The following ITGBL1 variants were observed in gnomAD, a reference collection of about 807,000 sequenced individuals.
ITGBL1 encodes integrin beta-like protein 1.
Under a neutral mutation model 68.5 loss-of-function variants are expected in ITGBL1, and 51 were observed. That is an observed-to-expected ratio of 0.74 (90% CI 0.59 to 0.94). The LOEUF is 0.94. Ranked by LOEUF, ITGBL1 falls within the 40% of genes least tolerant of loss-of-function variation. The pLI is 0.00. For missense variants in ITGBL1, 649 were observed against 647.4 expected (o/e 1.00, Z -0.03); for synonymous variants, 209 against 227.3 (o/e 0.92, Z 0.72).
chr13:101,678,992 C>T (rs1407799581), intron 7 of ITGBL1, among the ~76,000 whole-genome samples: 1 of 151,538 alleles, frequency 6.6e-6, no homozygotes, highest in East Asian at 2.0e-4. Context: ...CTGCAACCTC[C>T]GACTCCCTGG....
At chr13:101,457,918 G>C (rs2048267026) in intron 2 of ITGBL1, among the ~76,000 whole-genome samples, 1 of 152,210 alleles carries the variant, frequency 6.6e-6, no homozygotes, top group Non-Finnish European at 1.5e-5. Context: ...CCCATGACCA[G>C]CTACAATGAC....
At chr13:101,488,846 G>A (rs972520354) in intron 2 of ITGBL1, among the ~76,000 whole-genome samples, 1 of 152,102 alleles carries the variant, frequency 6.6e-6, no homozygotes, top group Non-Finnish European at 1.5e-5. Context: ...TCAAAAAAAA[G>A]GGAGTTATAT....
intron 7 of ITGBL1, among the ~76,000 whole-genome samples, chr13:101,647,305 A>G (rs1444923675): frequency 1.3e-5 from 2 of 152,196 alleles, no homozygotes; most frequent in Non-Finnish European, 2.9e-5. Context: ...CATTTTCAAA[A>G]CCATCTATGA....
intron 2 of ITGBL1, among the ~76,000 whole-genome samples, chr13:101,511,276 C>T (rs1485563506): frequency 1.3e-5 from 2 of 152,028 alleles, no homozygotes; most frequent in Non-Finnish European, 2.9e-5. Flanking sequence ...CCTATTTAGG[C>T]CTTATCAATG....
At position 101,638,707 on chromosome 13, in the gene ITGBL1, C is replaced by T. The variant is rs963349011; in HGVS notation, c.1015+40408C>T. On this transcript the variant is annotated intron_variant, in intron 7 of 10. Coordinates refer to ENST00000376180, the MANE Select transcript of ITGBL1 (RefSeq NM_004791.3). Reference sequence around the variant, plus strand: ...ATGAGAGCAATATGGGGGAAACCACCCCCATGATTCAATTATCTCCCACTG... The same window carrying T: ...ATGAGAGCAATATGGGGGAAACCACTCCCATGATTCAATTATCTCCCACTG... 4.6e-5 allele frequency among the ~76,000 whole-genome samples: 7 copies of T among 152,074 alleles called. No homozygotes were observed. The East Asian group carries it at 9.6e-4, about 21-fold the overall frequency.
chr13:101,512,398 A>G (rs946735191), intron 2 of ITGBL1, among the ~76,000 whole-genome samples: 5 of 152,246 alleles, frequency 3.3e-5, no homozygotes, highest in Non-Finnish European at 7.4e-5. Flanking sequence ...CATTTTCTGA[A>G]TGATGTTTCA....
At chr13:101,665,398 A>C (rs1212339265) in intron 7 of ITGBL1, among the ~76,000 whole-genome samples, 1 of 151,980 alleles carries the variant, frequency 6.6e-6, no homozygotes, top group Non-Finnish European at 1.5e-5. Flanking sequence ...AAATGACATA[A>C]TTTTAAAAAT....
At chr13:101,563,465 C>T (rs1384116859) in intron 2 of ITGBL1, among the ~76,000 whole-genome samples, 1 of 151,720 alleles carries the variant, frequency 6.6e-6, no homozygotes, top group African/African-American at 2.4e-5. Context: ...AAATAACATA[C>T]ATAATATCCA....
chr13:101,547,880 T>G (rs538193212), intron 2 of ITGBL1, among the ~76,000 whole-genome samples: 1 of 150,902 alleles, frequency 6.6e-6, no homozygotes, highest in Admixed American at 6.6e-5. Context: ...TTTCTTACAT[T>G]AAATATGTGT....
chr13:101,571,312 TC>T (rs1318098349), intron 3 of ITGBL1, among the ~76,000 whole-genome samples: 1 of 151,806 alleles, frequency 6.6e-6, no homozygotes, highest in East Asian at 1.9e-4. Context: ...CCTCTCCACT[TC>T]CCCCCACTCA....
chr13:101,579,536 A>G, intron 5 of ITGBL1, 109 bp downstream of exon 5: 2 of 1,128,626 alleles, frequency 1.8e-6, no homozygotes, highest in Non-Finnish European at 1.2e-6. Flanking sequence ...GTTATCTTCT[A>G]ACCATTTACT....
intron 7 of ITGBL1, among the ~76,000 whole-genome samples, chr13:101,663,608 A>C (rs1335055101): frequency 6.6e-6 from 1 of 152,134 alleles, no homozygotes; most frequent in Non-Finnish European, 1.5e-5. Context: ...TTATAATCCA[A>C]ATTGAGGTAA....
chr13:101,580,752 AAGAG>A (rs1161031269), intron 5 of ITGBL1, among the ~76,000 whole-genome samples: 6 of 152,158 alleles, frequency 3.9e-5, no homozygotes, highest in African/African-American at 9.7e-5. Context: ...GGCTGTCAAA[AAGAG>A]AGAGGTGGAA....
chr13:101,506,705 A>G (rs2049032338), intron 2 of ITGBL1, among the ~76,000 whole-genome samples: 2 of 152,244 alleles, frequency 1.3e-5, no homozygotes, highest in African/African-American at 2.4e-5. Flanking sequence ...GCTTCAGCTT[A>G]AAGAATTCCT....
chr13:101,692,490 A>G (rs1431637064), intron 7 of ITGBL1, 95 bp from the exon 8 acceptor site: 5 of 783,842 alleles, frequency 6.4e-6, no homozygotes, highest in East Asian at 2.4e-5. Context: ...GAACTATTCT[A>G]GGAGATTTGG....
intron 7 of ITGBL1, among the ~76,000 whole-genome samples, chr13:101,678,159 T>C (rs1010896237): frequency 6.6e-6 from 1 of 152,238 alleles, no homozygotes; most frequent in Non-Finnish European, 1.5e-5. Context: ...CACATGAATT[T>C]GCATCATCCC....
At chr13:101,524,129 ATT>A (rs36014394) in intron 2 of ITGBL1, among the ~76,000 whole-genome samples, 1 of 145,242 alleles carries the variant, frequency 6.9e-6, no homozygotes, top group Admixed American at 6.9e-5. Flanking sequence ...TTTTTTTTTA[ATT>A]TTTTTTTTTT....
intron 2 of ITGBL1, among the ~76,000 whole-genome samples, chr13:101,456,237 T>C (rs181697545): frequency 3.0e-4 from 46 of 152,324 alleles, no homozygotes; most frequent in African/African-American, 1.0e-3. Flanking sequence ...CATTTTTTAT[T>C]CTCATCTTGC....
chr13:101,677,478 T>C (rs1470702950), intron 7 of ITGBL1, among the ~76,000 whole-genome samples: 5 of 152,200 alleles, frequency 3.3e-5, no homozygotes, highest in Non-Finnish European at 7.3e-5. Flanking sequence ...TAGATACTCT[T>C]AATTTTGAAT....
Sources: allele counts gnomAD v4.1 joint callset (sites outside exome capture counted in the v4.1 genomes callset), GRCh38; gene constraint gnomAD v4.1.1; transcripts MANE v1.5; gene names NCBI Gene and HGNC (gene_info 2026-07-23, HGNC 2026-07-21).